Variants in SAMD5 observed in about 807,000 individuals in gnomAD.
SAMD5 encodes the protein sterile alpha motif domain containing 5, also known as sterile alpha motif domain-containing protein 5.
SAMD5 carries 13 observed loss-of-function variants against 11.3 expected under a neutral mutation model. The ratio of observed to expected loss-of-function variants is 1.15; its 90% confidence interval spans 0.75 to 1.83. SAMD5 has a LOEUF of 1.83. Among genes scored for constraint, SAMD5 ranks in the 40% most tolerant of loss-of-function variants. The pLI is 0.00. For synonymous variants in SAMD5, 129 were observed against 111.3 expected, an observed-to-expected ratio of 1.16 and a Z score of -1.00; for missense variants, 255 against 239.1, an observed-to-expected ratio of 1.07 and a Z score of -0.44.
chr6:147,602,191 A>C (rs1053871239), intron 1 of SAMD5, among the ~76,000 whole-genome samples: 2 of 152,216 alleles, frequency 1.3e-5, no homozygotes, highest in Admixed American at 6.5e-5. Context: ...GATATCTTTC[A>C]TTCCCATTTG....
the SAMD5 span, among the ~76,000 whole-genome samples, chr6:147,873,292 G>A: frequency 2.6e-5 from 4 of 151,648 alleles, no homozygotes; most frequent in Admixed American, 6.6e-5. Context: ...CAGGAGAATC[G>A]CTTGAACCAA....
At chr6:147,666,418 G>A (rs1790721516) in intron 1 of SAMD5, among the ~76,000 whole-genome samples, 1 of 152,172 alleles carries the variant, frequency 6.6e-6, no homozygotes, top group Non-Finnish European at 1.5e-5. Flanking sequence ...TGCTGTGCGT[G>A]AGAACAGTGT....
chr6:147,535,143 T>C (rs1788489111), intron 1 of SAMD5, among the ~76,000 whole-genome samples: 1 of 152,184 alleles, frequency 6.6e-6, no homozygotes, highest in Non-Finnish European at 1.5e-5. Flanking sequence ...GAAATGGCCA[T>C]TGATCGCTTT....
At chr6:147,684,546 T>C (rs4896940) in intron 1 of SAMD5, among the ~76,000 whole-genome samples, 10,414 of 152,270 alleles carry the variant, frequency 0.068, 571 homozygotes, top group East Asian at 0.21. Context: ...ACTTCCAAAG[T>C]ATTTTAACTC....
At chr6:147,605,006 A>G (rs903739992) in intron 1 of SAMD5, among the ~76,000 whole-genome samples, 1 of 152,262 alleles carries the variant, frequency 6.6e-6, no homozygotes, top group Non-Finnish European at 1.5e-5. Flanking sequence ...CACTAAAATA[A>G]GGAATTTATG....
chr6:147,656,190 G>A (rs979602254), intron 1 of SAMD5, among the ~76,000 whole-genome samples: 2 of 152,130 alleles, frequency 1.3e-5, no homozygotes, highest in East Asian at 1.9e-4. Flanking sequence ...TAAACTCCAA[G>A]TGCATCAGAG....
At chr6:147,751,755 A>G in the SAMD5 span, among the ~76,000 whole-genome samples, 1 of 152,184 alleles carries the variant, frequency 6.6e-6, no homozygotes, top group South Asian at 2.1e-4. Context: ...TCTGCTGGTG[A>G]GACGCTAACT....
intron 1 of SAMD5, among the ~76,000 whole-genome samples, chr6:147,602,762 G>A (rs895438517): frequency 9.0e-5 from 10 of 110,898 alleles, no homozygotes; most frequent in Non-Finnish European, 1.6e-4. Flanking sequence ...AACAAACAAA[G>A]AAACAAAAAC....
intron 1 of SAMD5, among the ~76,000 whole-genome samples, chr6:147,640,497 CAAAAAAA>C (rs1172694444): frequency 3.7e-4 from 9 of 24,188 alleles, no homozygotes; most frequent in Non-Finnish European, 7.0e-4. Flanking sequence ...GACTCTGTCG[CAAAAAAA>C]AAAAAAAAAA....
chr6:147,845,519 T>A, the SAMD5 span, among the ~76,000 whole-genome samples: 1 of 152,032 alleles, frequency 6.6e-6, no homozygotes, highest in Admixed American at 6.6e-5. Context: ...CTAGCCTACA[T>A]AAAGAACTCT....
intron 1 of SAMD5, among the ~76,000 whole-genome samples, chr6:147,625,313 G>C (rs546651023): frequency 6.6e-6 from 1 of 152,098 alleles, no homozygotes; most frequent in African/African-American, 2.4e-5. Context: ...TGATGCTTTC[G>C]TAATGTTAGG....
the SAMD5 span, among the ~76,000 whole-genome samples, chr6:147,825,486 T>G: frequency 6.6e-6 from 1 of 152,228 alleles, no homozygotes; most frequent in South Asian, 2.1e-4. Context: ...TTTATATGGA[T>G]GTGTTGAGGC....
the SAMD5 span, among the ~76,000 whole-genome samples, chr6:147,844,058 C>G: frequency 7.9e-5 from 12 of 151,994 alleles, no homozygotes; most frequent in Admixed American, 7.9e-4. Context: ...AAGAGACAAC[C>G]CACAGATTGG....
chr6:147,830,430 T>G, the SAMD5 span, among the ~76,000 whole-genome samples: 1 of 151,882 alleles, frequency 6.6e-6, no homozygotes, highest in African/African-American at 2.4e-5. Context: ...CTAATTTTTG[T>G]ATTTTTAGTG....
chr6:147,715,602 C>T (rs1224381585), intron 1 of SAMD5, among the ~76,000 whole-genome samples: 2 of 152,212 alleles, frequency 1.3e-5, no homozygotes, highest in African/African-American at 2.4e-5. Context: ...GAGCAAGGGG[C>T]ATGTTTCAGC....
chr6:147,659,209 G>C (rs1790612084), intron 1 of SAMD5, among the ~76,000 whole-genome samples: 2 of 152,014 alleles, frequency 1.3e-5, no homozygotes, highest in Non-Finnish European at 2.9e-5. Flanking sequence ...TTGGGGAAAT[G>C]AGTTTCCTAA....
chr6:147,610,803 C>T (rs1789772004), intron 1 of SAMD5, among the ~76,000 whole-genome samples: 1 of 151,794 alleles, frequency 6.6e-6, no homozygotes, highest in South Asian at 2.1e-4. Context: ...AGGAGGATGT[C>T]CTGGGATAGG....
the SAMD5 span, among the ~76,000 whole-genome samples, chr6:147,892,021 G>A: frequency 1.3e-5 from 2 of 152,182 alleles, no homozygotes; most frequent in Non-Finnish European, 2.9e-5. Context: ...TCCTGATGCC[G>A]AGTCCAGTCA....
In SAMD5 at chr6:147,569,513, T is replaced by C. The variant is rs897394919; in HGVS notation, c.*5057T>C. ...ATTATTTAAGATGGGAAATGTCTTT[T>C]ATAGGTATATTCTGTATAATACCCT... On this transcript the variant is annotated 3_prime_UTR_variant, in exon 2 of 2. Coordinates refer to ENST00000367474, the MANE Select transcript of SAMD5 (RefSeq NM_001030060.3). 2 of 851,740 alleles carry C rather than the reference T, an allele frequency of 2.3e-6. No homozygotes were observed. Among genetic ancestry groups the C allele is most frequent in the Non-Finnish European group, 2.8e-6 (2 of 708,180 alleles). The allele number at this position is 851,740 out of a possible 1,614,324, so 52.8% of individuals were successfully genotyped here. A position where few individuals can be genotyped will look rare whatever the true frequency, so the allele number is the denominator to read the frequency against.
Sources: allele counts gnomAD v4.1 joint callset (sites outside exome capture counted in the v4.1 genomes callset), GRCh38; gene constraint gnomAD v4.1.1; transcripts MANE v1.5; gene names NCBI Gene and HGNC (gene_info 2026-07-23, HGNC 2026-07-21).